Variants in KHDRBS2 observed in about 807,000 individuals in gnomAD.
The protein encoded by KHDRBS2 is KH RNA binding domain containing, signal transduction associated 2.
Under a neutral mutation model 44.3 loss-of-function variants are expected in KHDRBS2, and 26 were observed. The observed-to-expected ratio is 0.59, with a 90% CI of 0.43 to 0.81. KHDRBS2 has a LOEUF of 0.81. KHDRBS2 is among the 40% of genes least tolerant of loss of function. KHDRBS2 has a pLI of 0.00. For missense variants in KHDRBS2, 476 were observed against 433.1 expected, an observed-to-expected ratio of 1.10 and a Z score of -0.88; for synonymous variants, 194 against 151.1, an observed-to-expected ratio of 1.28 and a Z score of -2.08.
At chr6:61,717,505 A>G (rs1215201130) in intron 7 of KHDRBS2, among the ~76,000 whole-genome samples, 1 of 152,098 alleles carries the variant, frequency 6.6e-6, no homozygotes, top group Non-Finnish European at 1.5e-5. Flanking sequence ...AAGTAATTAA[A>G]TCCAATAACC....
At chr6:61,718,658 A>G (rs1231477533) in intron 7 of KHDRBS2, among the ~76,000 whole-genome samples, 1 of 152,048 alleles carries the variant, frequency 6.6e-6, no homozygotes, top group Non-Finnish European at 1.5e-5. Context: ...AACTCCCTGT[A>G]CTTCCTCCTG....
chr6:61,743,761 C>T (rs577803628), intron 6 of KHDRBS2, among the ~76,000 whole-genome samples: 32 of 148,582 alleles, frequency 2.2e-4, no homozygotes, highest in Admixed American at 1.2e-3. Flanking sequence ...AAGTATATCT[C>T]TTAATGCTAT....
chr6:62,166,586 A>G (rs1818737986), intron 2 of KHDRBS2, among the ~76,000 whole-genome samples: 1 of 152,040 alleles, frequency 6.6e-6, no homozygotes, highest in African/African-American at 2.4e-5. Context: ...CCTTATCTAC[A>G]TGTTTCTGGG....
intron 2 of KHDRBS2, among the ~76,000 whole-genome samples, chr6:62,149,395 C>G (rs751987701): frequency 7.9e-5 from 12 of 152,026 alleles, no homozygotes; most frequent in Non-Finnish European, 1.5e-4. Flanking sequence ...CTATGAGGAG[C>G]CTTTCCTTAT....
At chr6:61,719,302 G>C (rs996218994) in intron 7 of KHDRBS2, among the ~76,000 whole-genome samples, 1 of 151,970 alleles carries the variant, frequency 6.6e-6, no homozygotes, top group Non-Finnish European at 1.5e-5. Flanking sequence ...TTGTATCTAA[G>C]TAAATGAAAA....
At chr6:62,216,967 GA>G (rs1830107966) in intron 1 of KHDRBS2, among the ~76,000 whole-genome samples, 1 of 146,060 alleles carries the variant, frequency 6.8e-6, no homozygotes, top group Non-Finnish European at 1.5e-5. Context: ...TGAACTAACA[GA>G]CTATAGAAAT....
chr6:61,551,672 T>C, the KHDRBS2 span, among the ~76,000 whole-genome samples: 5 of 152,154 alleles, frequency 3.3e-5, no homozygotes, highest in Admixed American at 3.3e-4. Context: ...CAGATGGTTG[T>C]AGGTGTGCAG....
rs1837547664 is a variant in KHDRBS2 at position 62,257,308 on chromosome 6, T to C, written c.91+28550A>G. On this transcript the variant is annotated intron_variant, in intron 1 of 8. Transcript: ENST00000281156. Reference sequence around the variant, plus strand: ...GTTGTTAAATGGATTTAAGGAAATGTAAAACACTGCAATATTGACTAGCAC... The same window carrying C: ...GTTGTTAAATGGATTTAAGGAAATGCAAAACACTGCAATATTGACTAGCAC... Among the ~76,000 whole-genome samples the C allele has an allele frequency of 2.0e-5, 3 of 152,196 alleles. No individual in the cohort carries two copies. The South Asian group carries it at 6.2e-4, about 32-fold the overall frequency.
chr6:62,097,068 T>C (rs187850366), intron 2 of KHDRBS2, among the ~76,000 whole-genome samples: 120 of 152,138 alleles, frequency 7.9e-4, no homozygotes, highest in Non-Finnish European at 1.3e-3. Flanking sequence ...TTTCTAGTTT[T>C]ATTGCATTGT....
the KHDRBS2 span, among the ~76,000 whole-genome samples, chr6:61,627,762 T>A: frequency 6.6e-6 from 1 of 152,204 alleles, no homozygotes; most frequent in Non-Finnish European, 1.5e-5. Flanking sequence ...ATGCATTTCT[T>A]TATTTGGTTG....
intron 6 of KHDRBS2, among the ~76,000 whole-genome samples, chr6:61,840,916 G>A (rs1284506873): frequency 1.3e-5 from 2 of 152,112 alleles, no homozygotes; most frequent in Non-Finnish European, 2.9e-5. Flanking sequence ...TGCAGTCCAA[G>A]TAACAGGCCT....
At chr6:62,192,926 C>T (rs1824911439) in intron 1 of KHDRBS2, among the ~76,000 whole-genome samples, 1 of 152,048 alleles carries the variant, frequency 6.6e-6, no homozygotes, top group South Asian at 2.1e-4. Context: ...TAATTTCTTA[C>T]CTGTACATTT....
the KHDRBS2 span, among the ~76,000 whole-genome samples, chr6:61,674,230 GAC>G: frequency 1.4e-5 from 2 of 146,702 alleles, no homozygotes; most frequent in African/African-American, 5.2e-5. Flanking sequence ...AAAGTAAAAT[GAC>G]TGACTTCAAG....
rs1185871206 is a variant in KHDRBS2, at chr6:61,949,176, A to G, written c.483+28890T>C. ...TGGTAATTATGTTTAAGTAGGGGTG[A>G]GAATAATTAACCTCTTTTGACTGAA... On this transcript the variant is annotated intron_variant, in intron 4 of 8. Coordinates refer to ENST00000281156, the MANE Select transcript of KHDRBS2 (RefSeq NM_152688.4). 2.0e-5 allele frequency among the ~76,000 whole-genome samples: 3 copies of G among 152,112 alleles called. No homozygotes were observed. The East Asian group carries it at 5.8e-4, about 29-fold the overall frequency.
intron 6 of KHDRBS2, among the ~76,000 whole-genome samples, chr6:61,739,807 A>C (rs1206616585): frequency 6.6e-6 from 1 of 151,942 alleles, no homozygotes; most frequent in African/African-American, 2.4e-5. Flanking sequence ...GCACACCATT[A>C]TATGTTATTC....
At chr6:61,797,551 C>T (rs1785544098) in intron 6 of KHDRBS2, among the ~76,000 whole-genome samples, 1 of 152,014 alleles carries the variant, frequency 6.6e-6, no homozygotes, top group Non-Finnish European at 1.5e-5. Context: ...GTGCTTTTCC[C>T]CTTCTACTGC....
At chr6:62,082,673 A>C (rs1412956235) in intron 2 of KHDRBS2, among the ~76,000 whole-genome samples, 1 of 152,154 alleles carries the variant, frequency 6.6e-6, no homozygotes, top group East Asian at 1.9e-4. Flanking sequence ...TTGAGATTTA[A>C]ATATGAAATT....
At chr6:62,071,097 G>A (rs1363286506) in intron 2 of KHDRBS2, among the ~76,000 whole-genome samples, 2 of 152,154 alleles carry the variant, frequency 1.3e-5, no homozygotes, top group African/African-American at 4.8e-5. Flanking sequence ...AAGTGATGAT[G>A]AGCATTTTTT....
At chr6:61,823,427 A>T (rs2127254214) in intron 6 of KHDRBS2, among the ~76,000 whole-genome samples, 1 of 152,216 alleles carries the variant, frequency 6.6e-6, no homozygotes, top group Non-Finnish European at 1.5e-5. Flanking sequence ...TATGTAAAGA[A>T]GTCCTCTCTT....
Sources: allele counts gnomAD v4.1 joint callset (sites outside exome capture counted in the v4.1 genomes callset), GRCh38; gene constraint gnomAD v4.1.1; transcripts MANE v1.5; gene names NCBI Gene and HGNC (gene_info 2026-07-23, HGNC 2026-07-21).